The following PTPRD variants were observed in gnomAD, a reference collection of about 807,000 sequenced individuals.
PTPRD encodes the protein protein tyrosine phosphatase receptor type D, also known as receptor-type tyrosine-protein phosphatase delta.
A neutral mutation model predicts 214.5 loss-of-function variants in PTPRD; 34 were observed. The observed-to-expected ratio is 0.16, with a 90% confidence interval of 0.12 to 0.21. PTPRD has a LOEUF of 0.21. Ranked by LOEUF, PTPRD falls within the 10% of genes least tolerant of loss-of-function variation. The pLI is 1.00. For missense variants in PTPRD, 2,545 were observed against 2,398.7 expected, an observed-to-expected ratio of 1.06 and a Z score of -1.27; for synonymous variants, 1,128 against 845.7, an observed-to-expected ratio of 1.33 and a Z score of -5.79.
At position 8,331,870 on chromosome 9, in the gene PTPRD, ATAGAAACT is replaced by A; in HGVS notation, c.5380-142_5380-135del. ...TAGAAAAAGTTAGGAACATGTTTAA[ATAGAAACT>A]TAGTTATGGTTTATCTGCTATAAAT... On this transcript the variant is annotated intron_variant, in intron 43 of 45. Transcript: ENST00000381196. 6.7e-6 allele frequency: 7 copies of A among 1,043,656 alleles called. No homozygotes were observed. In the South Asian group the frequency reaches 1.2e-4, roughly 17 times the overall value. The allele number at this position is 1,043,656 out of a possible 1,614,324, so 64.6% of individuals were successfully genotyped here. A position where few individuals can be genotyped will look rare whatever the true frequency, so the allele number is the denominator to read the frequency against.
intron 14 of PTPRD, among the ~76,000 whole-genome samples, chr9:8,618,295 C>T (rs1188079962): frequency 6.6e-6 from 1 of 151,992 alleles, no homozygotes; most frequent in South Asian, 2.1e-4. Flanking sequence ...TTACCATGTC[C>T]CTTAATCTGA....
intron 11 of PTPRD, among the ~76,000 whole-genome samples, chr9:8,735,847 G>C (rs2090176920): frequency 6.6e-6 from 1 of 150,722 alleles, no homozygotes; most frequent in South Asian, 2.1e-4. Flanking sequence ...AGGAGACAGA[G>C]GTTTTGGTGA....
At chr9:10,042,956 G>C (rs888088822) in intron 3 of PTPRD, among the ~76,000 whole-genome samples, 4 of 151,850 alleles carry the variant, frequency 2.6e-5, no homozygotes, top group African/African-American at 7.2e-5. Context: ...TAATCTAAGA[G>C]ATCAGTAAAG....
At chr9:10,379,901 A>AATG (rs1266459625) in intron 2 of PTPRD, among the ~76,000 whole-genome samples, 1 of 152,044 alleles carries the variant, frequency 6.6e-6, no homozygotes, top group East Asian at 1.9e-4. Flanking sequence ...ATTTCTATTT[A>AATG]TATACTCAAA....
chr9:8,792,668 G>A (rs566505835), intron 11 of PTPRD, among the ~76,000 whole-genome samples: 4 of 152,210 alleles, frequency 2.6e-5, no homozygotes, highest in South Asian at 2.1e-4. Context: ...TATATATCTC[G>A]AGGATATATT....
At chr9:9,185,600 G>A (rs2099930879) in intron 9 of PTPRD, among the ~76,000 whole-genome samples, 1 of 152,032 alleles carries the variant, frequency 6.6e-6, no homozygotes, top group Non-Finnish European at 1.5e-5. Flanking sequence ...TCCTTTCTGA[G>A]GAATGAAGAG....
chr9:9,942,151 T>C (rs1403117858), intron 4 of PTPRD, among the ~76,000 whole-genome samples: 1 of 152,112 alleles, frequency 6.6e-6, no homozygotes, highest in Non-Finnish European at 1.5e-5. Flanking sequence ...CAAAACCACA[T>C]TGATTGGCAT....
At chr9:10,483,789 G>A (rs576883236) in intron 2 of PTPRD, among the ~76,000 whole-genome samples, 49 of 152,208 alleles carry the variant, frequency 3.2e-4, no homozygotes, top group Middle Eastern at 3.4e-3. Context: ...ATGTTGGCAC[G>A]GATGTGGTGC....
chr9:9,040,159 T>G (rs942904170), intron 10 of PTPRD, among the ~76,000 whole-genome samples: 2 of 152,198 alleles, frequency 1.3e-5, no homozygotes, highest in African/African-American at 4.8e-5. Context: ...GAAAGGGCTA[T>G]GAAACTCAAG....
At chr9:9,774,033 T>C (rs1240872901) in intron 5 of PTPRD, among the ~76,000 whole-genome samples, 1 of 152,218 alleles carries the variant, frequency 6.6e-6, no homozygotes, top group Non-Finnish European at 1.5e-5. Flanking sequence ...GCTGGACTCA[T>C]GCAGGTAAGT....
chr9:9,584,144 A>T (rs917689216), intron 7 of PTPRD, among the ~76,000 whole-genome samples: 4 of 151,916 alleles, frequency 2.6e-5, no homozygotes, highest in African/African-American at 9.7e-5. Context: ...GCTTCATTTT[A>T]GTAATACTAG....
At chr9:8,991,316 A>T (rs1040609367) in intron 11 of PTPRD, among the ~76,000 whole-genome samples, 9 of 152,012 alleles carry the variant, frequency 5.9e-5, no homozygotes, top group African/African-American at 2.2e-4. Flanking sequence ...GATTAAATAA[A>T]TTTGTTGTGC....
At chr9:9,452,239 A>G (rs2092336508) in intron 8 of PTPRD, among the ~76,000 whole-genome samples, 1 of 151,496 alleles carries the variant, frequency 6.6e-6, no homozygotes, top group Admixed American at 6.6e-5. Flanking sequence ...ATGGAAACCA[A>G]TTGACAATAG....
chr9:9,476,209 C>G (rs1325686509), intron 8 of PTPRD, among the ~76,000 whole-genome samples: 4 of 152,102 alleles, frequency 2.6e-5, no homozygotes, highest in Non-Finnish European at 5.9e-5. Context: ...CCTAGTGTGT[C>G]TATCTCTTCT....
chr9:10,536,650 T>A (rs184048380), intron 2 of PTPRD, among the ~76,000 whole-genome samples: 1 of 152,092 alleles, frequency 6.6e-6, no homozygotes, highest in African/African-American at 2.4e-5. Context: ...AAATGCACAC[T>A]CCACGCTGAT....
intron 4 of PTPRD, among the ~76,000 whole-genome samples, chr9:9,992,566 A>ATAGACTG (rs1342413368): frequency 6.6e-6 from 1 of 152,202 alleles, no homozygotes; most frequent in Non-Finnish European, 1.5e-5. Flanking sequence ...TCCATCAATG[A>ATAGACTG]TAGACTGGGT....
At chr9:8,536,649 C>T (rs534923447) in intron 14 of PTPRD, among the ~76,000 whole-genome samples, 1 of 152,104 alleles carries the variant, frequency 6.6e-6, no homozygotes, top group East Asian at 1.9e-4. Context: ...TTTAGCCCTT[C>T]TGTAATTTCT....
intron 2 of PTPRD, among the ~76,000 whole-genome samples, chr9:10,549,286 A>G (rs1365587689): frequency 6.6e-6 from 1 of 152,174 alleles, no homozygotes; most frequent in East Asian, 1.9e-4. Context: ...TTAGACTTCT[A>G]CATCCAAACC....
intron 3 of PTPRD, among the ~76,000 whole-genome samples, chr9:10,277,943 G>C (rs1175446255): frequency 6.6e-6 from 1 of 152,138 alleles, no homozygotes; most frequent in East Asian, 1.9e-4. Flanking sequence ...CGGATCATGA[G>C]GTCGGGAGAT....
Sources: allele counts gnomAD v4.1 joint callset (sites outside exome capture counted in the v4.1 genomes callset), GRCh38; gene constraint gnomAD v4.1.1; transcripts MANE v1.5; gene names NCBI Gene and HGNC (gene_info 2026-07-23, HGNC 2026-07-21).